The following PDE11A variants were observed in gnomAD, a reference collection of about 807,000 sequenced individuals.
The protein encoded by PDE11A is dual 3',5'-cyclic-AMP and -GMP phosphodiesterase 11A.
Under a neutral mutation model 100.5 loss-of-function variants are expected in PDE11A, and 100 were observed. The ratio of observed to expected loss-of-function variants is 1.00; its 90% CI spans 0.85 to 1.18. PDE11A has a LOEUF of 1.18. Among genes scored for constraint, PDE11A ranks in the 50% most tolerant of loss-of-function variants. The probability of loss-of-function intolerance (pLI) is 0.00; values close to 1 mark genes in which losing one functional copy is unlikely to be tolerated. For synonymous variants in PDE11A, 381 were observed against 420.8 expected (o/e 0.91, Z 1.16); for missense variants, 1,141 against 1,152.6 (o/e 0.99, Z 0.15).
chr2:177,731,975 G>A (rs1265581365), intron 10 of PDE11A, among the ~76,000 whole-genome samples: 1 of 152,184 alleles, frequency 6.6e-6, no homozygotes, highest in Non-Finnish European at 1.5e-5. Context: ...GGCATGGGGA[G>A]AGAACAAAAG....
intron 5 of PDE11A, among the ~76,000 whole-genome samples, chr2:177,846,800 T>C (rs753567059): frequency 2.6e-5 from 4 of 152,198 alleles, no homozygotes; most frequent in Non-Finnish European, 5.9e-5. Context: ...TGGCCCTCCT[T>C]CAAGCTTTTC....
chr2:178,047,395 G>A (rs1205475597), intron 1 of PDE11A, among the ~76,000 whole-genome samples: 4 of 151,774 alleles, frequency 2.6e-5, no homozygotes, highest in East Asian at 3.9e-4. Flanking sequence ...CCCAGGAGGC[G>A]GAGGTTGCAG....
At chr2:177,924,728 CTT>C (rs71410770) in intron 2 of PDE11A, among the ~76,000 whole-genome samples, 5 of 143,454 alleles carry the variant, frequency 3.5e-5, no homozygotes, top group African/African-American at 1.3e-4. Flanking sequence ...GTTAAGCTTT[CTT>C]TTTTTTTTTT....
At chr2:177,645,591 A>G (rs1368023161) in intron 19 of PDE11A, among the ~76,000 whole-genome samples, 1 of 152,246 alleles carries the variant, frequency 6.6e-6, no homozygotes, top group Non-Finnish European at 1.5e-5. Context: ...GGAGCTAAAT[A>G]TAATTCCTAA....
chr2:177,862,583 C>G (rs1294022870), intron 5 of PDE11A, among the ~76,000 whole-genome samples: 1 of 151,718 alleles, frequency 6.6e-6, no homozygotes, highest in African/African-American at 2.4e-5. Context: ...CAAACAGTCC[C>G]ATTTACTATA....
intron 5 of PDE11A, among the ~76,000 whole-genome samples, chr2:177,861,036 G>A (rs1291087942): frequency 6.6e-6 from 1 of 151,694 alleles, no homozygotes; most frequent in Admixed American, 6.6e-5. Flanking sequence ...ATCAGACAAG[G>A]ATATTGGCTA....
rs1386758224 is a variant in PDE11A, at chr2:178,072,576, CA to C, written c.-140del. 1 of 1,528,424 alleles carries C rather than the reference CA, an allele frequency of 6.5e-7. No homozygotes were observed. The highest frequency in any genetic ancestry group is 1.4e-5 in the African/African-American group (1 of 72,896). The allele number at this position is 1,528,424 out of a possible 1,614,324, so 94.7% of individuals were successfully genotyped here. ...CACCTCCCCTGGAGATTATTCCCAG[CA>C]GTGGAATCTGGGAGATGCCCCTTCC... On this transcript the variant is annotated 5_prime_UTR_variant, in exon 1 of 20. Transcript: ENST00000286063.
rs1002184213 is a variant in PDE11A, at chr2:177,817,749, T to A, written c.1644+109A>T. The A allele has an allele frequency of 4.1e-5, 28 of 676,116 alleles. No homozygotes were observed. The East Asian group carries it at 7.8e-4, about 19-fold the overall frequency. The allele number at this position is 676,116 out of a possible 1,614,324, so 41.9% of individuals were successfully genotyped here. ...ATCTTCCTGTTAATTTTGCCCTCCA[T>A]TTAAGTATAATAATAATTGACTAAT... On this transcript the variant is annotated intron_variant, in intron 8 of 19. Coordinates refer to ENST00000286063, the MANE Select transcript of PDE11A (RefSeq NM_016953.4).
At chr2:177,659,381 G>T (rs1180385887) in intron 19 of PDE11A, among the ~76,000 whole-genome samples, 1 of 151,742 alleles carries the variant, frequency 6.6e-6, no homozygotes, top group Admixed American at 6.6e-5. Context: ...TAATAGAGAG[G>T]CACTACCCTT....
At position 177,629,679 on chromosome 2, in the gene PDE11A, T is replaced by C. The variant is rs1237021845; in HGVS notation, c.2647-117A>G. On this transcript the variant is annotated intron_variant, in intron 19 of 19. Coordinates refer to ENST00000286063, the MANE Select transcript of PDE11A (RefSeq NM_016953.4). The stretch of plus-strand genomic sequence containing the variant: ...AACTGGCTATAGGAAATGAAAGTGA[T>C]GATTATTTTGGTAAACAAGAGCTAT... 7 of 1,047,224 alleles carry C rather than the reference T, an allele frequency of 6.7e-6. No homozygotes were observed. The African/African-American group carries it at 1.1e-4, about 16-fold the overall frequency. 64.9% of individuals were successfully genotyped at this position (1,047,224 alleles called of 1,614,324 possible). A position where few individuals can be genotyped will look rare whatever the true frequency, so the allele number is the denominator to read the frequency against.
intron 2 of PDE11A, among the ~76,000 whole-genome samples, chr2:177,982,816 C>T (rs2085899308): frequency 6.6e-6 from 1 of 150,878 alleles, no homozygotes; most frequent in African/African-American, 2.4e-5. Flanking sequence ...TAGCTCACAC[C>T]TGTAATTCCA....
In PDE11A at chr2:178,028,023, C is replaced by A. The variant is rs60716584; in HGVS notation, c.913-13563G>T. On this transcript the variant is annotated intron_variant, in intron 1 of 19. Coordinates refer to ENST00000286063, the MANE Select transcript of PDE11A (RefSeq NM_016953.4). ...AGCAGTGTGTTCCACCACTGAAAGC[C>A]CAGGTTAGAAAAAATCAGGCATCTT... Among the ~76,000 whole-genome samples, 1,426 of 152,138 alleles carry A rather than the reference C, an allele frequency of 9.4e-3. 26 individuals carry two copies. The highest frequency in any genetic ancestry group is 0.033 in the African/African-American group (1,368 of 41,506).
At chr2:178,015,414 T>C (rs1202916978) in intron 1 of PDE11A, among the ~76,000 whole-genome samples, 2 of 152,030 alleles carry the variant, frequency 1.3e-5, no homozygotes, top group South Asian at 2.1e-4. Context: ...AATGTCAAGA[T>C]CATGAAAGAC....
intron 6 of PDE11A, among the ~76,000 whole-genome samples, chr2:177,832,640 C>T (rs71423507): frequency 0.11 from 16,857 of 151,832 alleles, 1,182 homozygotes; most frequent in Non-Finnish European, 0.15. Flanking sequence ...TAATAGAAGT[C>T]GCTTCCTGAT....
intron 15 of PDE11A, among the ~76,000 whole-genome samples, chr2:177,691,806 C>A (rs531717655): frequency 6.6e-6 from 1 of 152,134 alleles, no homozygotes; most frequent in Non-Finnish European, 1.5e-5. Context: ...TGTTGAAAGT[C>A]ATTTTGTTTC....
At chr2:177,928,104 CAAAAAAAA>C (rs59085357) in intron 2 of PDE11A, among the ~76,000 whole-genome samples, 1 of 56,456 alleles carries the variant, frequency 1.8e-5, no homozygotes, top group Non-Finnish European at 3.3e-5. Context: ...AACTCCATCT[CAAAAAAAA>C]AAAAAAAAAA....
chr2:177,675,710 G>T, intron 16 of PDE11A, 192 bp from the exon 17 acceptor site: 1 of 695,300 alleles, frequency 1.4e-6, no homozygotes, highest in East Asian at 2.8e-5. Context: ...ACGCTGCTTA[G>T]GAAGACAAAG....
intron 5 of PDE11A, among the ~76,000 whole-genome samples, chr2:177,854,503 CT>C (rs1372021169): frequency 6.6e-6 from 1 of 152,004 alleles, no homozygotes; most frequent in East Asian, 1.9e-4. Context: ...ACATACTTCA[CT>C]AGTGCCAAGG....
chr2:177,646,980 T>G (rs1330710464), intron 19 of PDE11A, among the ~76,000 whole-genome samples: 1 of 152,222 alleles, frequency 6.6e-6, no homozygotes, highest in Non-Finnish European at 1.5e-5. Flanking sequence ...CAGAGCAGAC[T>G]GGTAGCTAAT....
Sources: allele counts gnomAD v4.1 joint callset (sites outside exome capture counted in the v4.1 genomes callset), GRCh38; gene constraint gnomAD v4.1.1; transcripts MANE v1.5; gene names NCBI Gene and HGNC (gene_info 2026-07-23, HGNC 2026-07-21).